COL5A1: variants seen among roughly 807,000 people sequenced by gnomAD.
The protein encoded by COL5A1 is collagen type V alpha 1 chain, also known as collagen alpha-1(V) chain.
A neutral mutation model predicts 263.7 loss-of-function variants in COL5A1; 16 were observed. The observed-to-expected ratio is 0.06, with a 90% CI of 0.04 to 0.09. The LOEUF is 0.09. COL5A1 is among the 10% of genes least tolerant of loss of function. COL5A1 has a pLI of 1.00. For synonymous variants in COL5A1, 1,012 were observed against 1,004.5 expected (o/e 1.01, Z -0.14); for missense variants, 2,036 against 2,540.5 (o/e 0.80, Z 4.27).
At chr9:134,655,630 A>G (rs950515210) in intron 1 of COL5A1, among the ~76,000 whole-genome samples, 2 of 152,104 alleles carry the variant, frequency 1.3e-5, no homozygotes, top group African/African-American at 4.8e-5. Context: ...CAGGCATGCC[A>G]TTGGTTCAGA....
chr9:134,807,125 T>C (rs1015593429), intron 42 of COL5A1, among the ~76,000 whole-genome samples: 2 of 152,226 alleles, frequency 1.3e-5, no homozygotes, highest in African/African-American at 2.4e-5. Context: ...AATTTTGCAG[T>C]GTCCCCTACC....
chr9:134,738,608 G>A (rs1835188795), intron 10 of COL5A1, 93 bp downstream of exon 10: 2 of 1,572,192 alleles, frequency 1.3e-6, no homozygotes, highest in East Asian at 4.5e-5. Context: ...TGGAAAAGAG[G>A]GGGGCTCTCC....
chr9:134,796,590 C>T (rs1446138900), intron 35 of COL5A1, among the ~76,000 whole-genome samples, 172 bp downstream of exon 35: 1 of 152,184 alleles, frequency 6.6e-6, no homozygotes, highest in African/African-American at 2.4e-5. Context: ...GTGAACTCTT[C>T]CGTAGGTCAG....
In COL5A1 at chr9:134,812,701, G is replaced by C. The variant is rs1308370503; in HGVS notation, c.3841G>C (p.Val1281Leu). 5 of 1,578,164 alleles carry C rather than the reference G, an allele frequency of 3.2e-6. No individual in the cohort carries two copies. The South Asian group carries it at 5.8e-5, about 18-fold the overall frequency. The stretch of plus-strand genomic sequence containing the variant: ...AGGTGGAATAGGAAACCCTGGTGCA[G>C]TGGGAGAGAAGGTGAGGCTCGTGCC... ...PPGGIGNPGA[V>L]GEKGEPGEAG... Residue 1281 changes from valine (V) to leucine (L), a missense_variant, in exon 48 of 66, where the codon GTG (valine) becomes CTG (leucine). Transcript: ENST00000371817.
chr9:134,780,239 C>T, intron 28 of COL5A1, 93 bp downstream of exon 28: 2 of 1,244,182 alleles, frequency 1.6e-6, no homozygotes, highest in Admixed American at 1.7e-5. Flanking sequence ...TTCCATGAAA[C>T]CAGCTGAGGT....
At chr9:134,771,352 G>A (rs1836859715) in intron 25 of COL5A1, among the ~76,000 whole-genome samples, 1 of 152,244 alleles carries the variant, frequency 6.6e-6, no homozygotes, top group Non-Finnish European at 1.5e-5. Context: ...GTCCAGCCCG[G>A]CCACTCTGAG....
intron 4 of COL5A1, among the ~76,000 whole-genome samples, chr9:134,719,271 T>C (rs1335241033): frequency 6.6e-6 from 1 of 152,160 alleles, no homozygotes; most frequent in African/African-American, 2.4e-5. Context: ...ATGTCACACA[T>C]ACACATGCAT....
chr9:134,798,331 T>A, intron 36 of COL5A1, 77 bp from the exon 37 acceptor site: 1 of 1,345,700 alleles, frequency 7.4e-7, no homozygotes, highest in Non-Finnish European at 1.1e-6. Flanking sequence ...TAACGGTCAC[T>A]CCACGTGGCA....
In COL5A1 at chr9:134,711,557, C is replaced by T. The variant is rs114198207; in HGVS notation, c.654+10224C>T. On this transcript the variant is annotated intron_variant, in intron 4 of 65. Coordinates refer to ENST00000371817, the MANE Select transcript of COL5A1 (RefSeq NM_000093.5). ...CACTGGGGGCTGGTGCAGTGGCCAC[C>T]GCTTGTTCAGAAAACCCAAGGCTCC... Among the ~76,000 whole-genome samples, 1,151 of 152,224 alleles carry T rather than the reference C, an allele frequency of 7.6e-3. 16 individuals carry two copies. The highest frequency in any genetic ancestry group is 0.026 in the African/African-American group (1,061 of 41,500).
At chr9:134,739,952 C>T (rs954237138) in intron 11 of COL5A1, among the ~76,000 whole-genome samples, 1 of 152,134 alleles carries the variant, frequency 6.6e-6, no homozygotes, top group Non-Finnish European at 1.5e-5. Flanking sequence ...AGGTTGTTAT[C>T]GTTCTGTGTG....
chr9:134,671,502 G>A (rs984153016), intron 1 of COL5A1, among the ~76,000 whole-genome samples: 4 of 152,098 alleles, frequency 2.6e-5, no homozygotes, highest in Non-Finnish European at 5.9e-5. Context: ...CCTCCCAAAG[G>A]TCACAGTGAC....
intron 22 of COL5A1, 62 bp downstream of exon 22, chr9:134,766,560 C>T (rs1165652448): frequency 6.5e-7 from 1 of 1,540,534 alleles, no homozygotes; most frequent in Non-Finnish European, 8.9e-7. Flanking sequence ...CACTCCTTGC[C>T]TGGCTAGGGA....
chr9:134,781,053 C>A (rs574589989), intron 28 of COL5A1, among the ~76,000 whole-genome samples: 1 of 152,246 alleles, frequency 6.6e-6, no homozygotes, highest in Admixed American at 6.5e-5. Flanking sequence ...TGATGGTCCA[C>A]GTGCCGAGAC....
In COL5A1 at chr9:134,742,571, C is replaced by T. The variant is rs1442393696; in HGVS notation, c.1494+3763C>T. Among the ~76,000 whole-genome samples the T allele has an allele frequency of 6.6e-6, 1 of 152,156 alleles. No individual in the cohort carries two copies. The highest frequency in any genetic ancestry group is 1.9e-4 in the East Asian group (1 of 5,186). ...TCCTGTGGCAGAAGGAAGGTGGCCA[C>T]TCTTACTTTGAGGTTCAGAGGAAAC... On this transcript the variant is annotated intron_variant, in intron 11 of 65. Transcript: ENST00000371817. This position sits in a 1 kb window ranked among gnomAD's most constrained non-coding sequence, Gnocchi z 4.6.
chr9:134,768,786 G>A (rs759759279), intron 25 of COL5A1, among the ~76,000 whole-genome samples: 11 of 152,260 alleles, frequency 7.2e-5, no homozygotes, highest in Non-Finnish European at 1.0e-4. Context: ...CCAGGCCATC[G>A]CTTGCGTCCC....
Position 134,642,324 on chromosome 9 carries a change from C to A in COL5A1, c.109+28C>A. On this transcript the variant is annotated intron_variant, in intron 1 of 65. Transcript: ENST00000371817. This position sits in a 1 kb window ranked among gnomAD's most constrained non-coding sequence, Gnocchi z 4.5. ...AAGGGCGCCCCGGGGCGCGGGGCTG[C>A]GGGATGGGGCGCGCGCAGCCCGGGC... 1.6e-6 allele frequency: 1 copy of A among 644,248 alleles called. No individual in the cohort carries two copies. The highest frequency in any genetic ancestry group is 2.1e-6 in the Non-Finnish European group (1 of 479,188). The allele number at this position is 644,248 out of a possible 1,614,324, so 39.9% of individuals were successfully genotyped here.
chr9:134,673,771 T>C (rs1832611174), intron 1 of COL5A1, among the ~76,000 whole-genome samples: 1 of 152,004 alleles, frequency 6.6e-6, no homozygotes, highest in African/African-American at 2.4e-5. Flanking sequence ...TGTTGGAAAA[T>C]GGAAAGGTAA....
intron 11 of COL5A1, among the ~76,000 whole-genome samples, chr9:134,748,164 G>T (rs969404588): frequency 7.1e-6 from 1 of 140,920 alleles, no homozygotes; most frequent in Non-Finnish European, 1.5e-5. Flanking sequence ...CATTCCACAC[G>T]TGCACACACA....
rs575330582 is a variant in COL5A1, at chr9:134,686,982, G to C, written c.110-3930G>C. On this transcript the variant is annotated intron_variant, in intron 1 of 65. Transcript: ENST00000371817. This position sits in a 1 kb window ranked among gnomAD's most constrained non-coding sequence, Gnocchi z 4.6. ...AGGGAGTCAGGTGGATACAGTCTCC[G>C]GGAGACCCGGCGTGGTGGGGTCAGG... is the stretch of plus-strand genomic sequence containing the variant. Among the ~76,000 whole-genome samples, 6 of 152,274 alleles carry C rather than the reference G, an allele frequency of 3.9e-5. No homozygotes were observed. The highest frequency in any genetic ancestry group is 9.6e-5 in the African/African-American group (4 of 41,558).
Sources: allele counts gnomAD v4.1 joint callset (sites outside exome capture counted in the v4.1 genomes callset), GRCh38; gene constraint gnomAD v4.1.1; non-coding constraint Gnocchi (gnomAD v3.1); transcripts MANE v1.5; gene names NCBI Gene and HGNC (gene_info 2026-07-23, HGNC 2026-07-21).